SNX29: variants seen among roughly 807,000 people sequenced by gnomAD.
The protein encoded by SNX29 is sorting nexin 29.
A neutral mutation model predicts 102.1 loss-of-function variants in SNX29; 78 were observed. That is an observed-to-expected ratio of 0.76 (90% CI 0.64 to 0.92). The LOEUF is 0.92. Ranked by LOEUF, SNX29 falls within the 40% of genes least tolerant of loss-of-function variation. The pLI is 0.00. For missense variants in SNX29, 1,280 were observed against 1,061.7 expected (o/e 1.21, Z -2.86); for synonymous variants, 580 against 414.5 (o/e 1.40, Z -4.85).
At chr16:12,091,043 G>C (rs758508755) in intron 11 of SNX29, among the ~76,000 whole-genome samples, 876 of 77,664 alleles carry the variant, frequency 0.011, 3 homozygotes, top group Non-Finnish European at 0.016. Flanking sequence ...AAAAAAGAAA[G>C]AAAAAGAAAA....
chr16:12,448,878 G>A (rs145254189), intron 18 of SNX29, among the ~76,000 whole-genome samples: 1 of 152,226 alleles, frequency 6.6e-6, no homozygotes, highest in African/African-American at 2.4e-5. Context: ...CTTTTGGACG[G>A]TAGTGATTTG....
intron 1 of SNX29, among the ~76,000 whole-genome samples, chr16:11,979,564 T>C (rs960939934): frequency 2.0e-5 from 3 of 152,140 alleles, no homozygotes; most frequent in East Asian, 1.9e-4. Flanking sequence ...TCCCCACTTA[T>C]AATATTTTGT....
At chr16:12,541,598 TCACACTCTGGGC>T (rs2077343792) in intron 20 of SNX29, among the ~76,000 whole-genome samples, 1 of 152,230 alleles carries the variant, frequency 6.6e-6, no homozygotes, top group Admixed American at 6.5e-5. Context: ...AACCCTGAGG[TCACACTCTGGGC>T]CACATCTCTG....
chr16:12,347,064 C>T (rs967852352), intron 15 of SNX29, among the ~76,000 whole-genome samples: 1 of 152,174 alleles, frequency 6.6e-6, no homozygotes, highest in African/African-American at 2.4e-5. Context: ...TAATCCCATC[C>T]TGATGTGTGT....
chr16:12,444,842 G>GTTTTT (rs34218008), intron 18 of SNX29, among the ~76,000 whole-genome samples: 1 of 132,600 alleles, frequency 7.5e-6, no homozygotes, highest in African/African-American at 2.9e-5. Flanking sequence ...GTTTTTTTTT[G>GTTTTT]TTTTTTTTTT....
chr16:12,255,745 G>A (rs1320153077), intron 14 of SNX29, among the ~76,000 whole-genome samples: 4 of 152,138 alleles, frequency 2.6e-5, no homozygotes, highest in Non-Finnish European at 5.9e-5. Context: ...TTTCCATTGT[G>A]TATATACGTC....
chr16:12,558,518 C>T (rs1054182974), intron 20 of SNX29, among the ~76,000 whole-genome samples: 1 of 152,206 alleles, frequency 6.6e-6, no homozygotes, highest in Non-Finnish European at 1.5e-5. Context: ...GCACTGTTTA[C>T]CCCAGGGATG....
intron 18 of SNX29, among the ~76,000 whole-genome samples, chr16:12,413,031 G>T (rs923085228): frequency 6.6e-6 from 1 of 152,172 alleles, no homozygotes; most frequent in Non-Finnish European, 1.5e-5. Context: ...GGCTGGGGAG[G>T]TTAGAGCATG....
intron 15 of SNX29, among the ~76,000 whole-genome samples, chr16:12,281,322 T>A (rs1338364287): frequency 6.6e-6 from 1 of 152,204 alleles, no homozygotes; most frequent in Non-Finnish European, 1.5e-5. Context: ...TTTGAGAGCA[T>A]GAAAGCCAAC....
At chr16:12,541,390 G>A (rs147462120) in intron 20 of SNX29, among the ~76,000 whole-genome samples, 1 of 152,234 alleles carries the variant, frequency 6.6e-6, no homozygotes, top group African/African-American at 2.4e-5. Context: ...CCATGTGCAG[G>A]CTCATTGTAC....
In SNX29 at chr16:12,356,165, G is replaced by A. The variant is rs1310194606; in HGVS notation, c.1785G>A (p.Val595=). 2 of 1,612,180 alleles carry A rather than the reference G, an allele frequency of 1.2e-6. No individual in the cohort carries two copies. The highest frequency in any genetic ancestry group is 1.7e-6 in the Non-Finnish European group (2 of 1,179,340). The change falls in exon 16 of 21, where the codon GTG becomes GTA. Residue 595 remains valine (V), a splice_region_variant and synonymous_variant. Coordinates refer to ENST00000566228, the MANE Select transcript of SNX29 (RefSeq NM_032167.5). Reference sequence around the variant, plus strand: ...ACCTTTCCGTGCTTGTGTTCCAGGTGGCAGAGATGCATGGCGAGCTGATTG... The same window carrying A: ...ACCTTTCCGTGCTTGTGTTCCAGGTAGCAGAGATGCATGGCGAGCTGATTG... The part of the protein sequence containing the change: ...ASSYERKLIE[V]AEMHGELIEF...
chr16:12,556,843 GGTGGAAAAAATTGAA>G (rs1567194201), intron 20 of SNX29, among the ~76,000 whole-genome samples: 19 of 152,126 alleles, frequency 1.2e-4, no homozygotes, highest in African/African-American at 4.6e-4. Flanking sequence ...GAAGTTTGAT[GGTGGAAAAAATTGAA>G]TTTTTTTTTT....
chr16:12,080,535 A>T (rs567449089), intron 11 of SNX29, among the ~76,000 whole-genome samples: 1 of 152,042 alleles, frequency 6.6e-6, no homozygotes, highest in South Asian at 2.1e-4. Flanking sequence ...TTACTTTATT[A>T]TTCATTTTTA....
At chr16:12,427,668 G>A (rs1423285288) in intron 18 of SNX29, among the ~76,000 whole-genome samples, 1 of 152,208 alleles carries the variant, frequency 6.6e-6, no homozygotes, top group South Asian at 2.1e-4. Flanking sequence ...CAATGCCTGT[G>A]CCAGGACAGG....
chr16:12,504,223 C>A (rs964396998), intron 19 of SNX29, among the ~76,000 whole-genome samples: 1 of 152,140 alleles, frequency 6.6e-6, no homozygotes, highest in South Asian at 2.1e-4. Flanking sequence ...TAGCACATAA[C>A]GGAACTTCAT....
chr16:11,989,775 A>G (rs780654507), intron 1 of SNX29, among the ~76,000 whole-genome samples: 2 of 152,192 alleles, frequency 1.3e-5, no homozygotes, highest in South Asian at 2.1e-4. Context: ...CATCAGCGCT[A>G]TGGCAGGACT....
chr16:12,504,770 T>C (rs2089297338), intron 19 of SNX29, among the ~76,000 whole-genome samples: 1 of 152,258 alleles, frequency 6.6e-6, no homozygotes, highest in South Asian at 2.1e-4. Flanking sequence ...TATGTATGTA[T>C]AGGAGAAAAG....
intron 20 of SNX29, chr16:12,556,257 T>G (rs550602164): frequency 1.3e-5 from 2 of 152,270 alleles, no homozygotes; most frequent in East Asian, 1.9e-4. Flanking sequence ...CCCACCTCAC[T>G]AAAGCTGGCA....
chr16:12,558,424 C>T (rs555509969), intron 20 of SNX29, among the ~76,000 whole-genome samples: 3 of 152,334 alleles, frequency 2.0e-5, no homozygotes, highest in Admixed American at 6.5e-5. Flanking sequence ...TGAAAGCTGA[C>T]ATCTAGAAAG....
Sources: allele counts gnomAD v4.1 joint callset (sites outside exome capture counted in the v4.1 genomes callset), GRCh38; gene constraint gnomAD v4.1.1; transcripts MANE v1.5; gene names NCBI Gene and HGNC (gene_info 2026-07-23, HGNC 2026-07-21).